The following CACNA1C variants were observed in gnomAD, a reference collection of about 807,000 sequenced individuals.
CACNA1C encodes the protein voltage-dependent L-type calcium channel subunit alpha-1C.
Under a neutral mutation model 229.0 loss-of-function variants are expected in CACNA1C, and 30 were observed. The observed-to-expected ratio is 0.13, with a 90% CI of 0.10 to 0.18. CACNA1C has a LOEUF of 0.18. CACNA1C is among the 10% of genes least tolerant of loss of function. The probability of loss-of-function intolerance (pLI) is 1.00; values close to 1 mark genes in which losing one functional copy is unlikely to be tolerated. For missense variants in CACNA1C, 1,658 were observed against 2,845.0 expected, an observed-to-expected ratio of 0.58 and a Z score of 9.49; for synonymous variants, 1,114 against 1,132.5, an observed-to-expected ratio of 0.98 and a Z score of 0.33.
chr12:2,374,507 G>A (rs1161309149), intron 3 of CACNA1C, among the ~76,000 whole-genome samples: 3 of 152,182 alleles, frequency 2.0e-5, no homozygotes, highest in Non-Finnish European at 2.9e-5. Context: ...CACAGCCCAC[G>A]CCACATTGGC....
chr12:2,080,504 G>A, intron 1 of CACNA1C, among the ~76,000 whole-genome samples: 1 of 151,862 alleles, frequency 6.6e-6, no homozygotes, highest in East Asian at 1.9e-4. Flanking sequence ...GGGAGGCTGA[G>A]GCAGGAGAAT....
At chr12:2,072,187 A>G (rs1012817476) in intron 1 of CACNA1C, among the ~76,000 whole-genome samples, 2 of 149,708 alleles carry the variant, frequency 1.3e-5, no homozygotes, top group African/African-American at 5.0e-5. Flanking sequence ...ATACAAATAT[A>G]TATATATACA....
chr12:2,230,197 C>G (rs982382178), intron 3 of CACNA1C, among the ~76,000 whole-genome samples: 3 of 152,112 alleles, frequency 2.0e-5, no homozygotes, highest in Non-Finnish European at 4.4e-5. Flanking sequence ...GGGCTGCTGC[C>G]GAGCTCCGCA....
rs2052920160 is a variant in CACNA1C at position 2,053,441 on chromosome 12, TC to T, written c.-120del. 2 of 1,465,734 alleles carry T rather than the reference TC, an allele frequency of 1.4e-6. No homozygotes were observed. The highest frequency in any genetic ancestry group is 1.8e-6 in the Non-Finnish European group (2 of 1,101,138). 90.8% of individuals were successfully genotyped at this position (1,465,734 alleles called of 1,614,324 possible). ...AGAAGAAACGCTGCAGACCACGGCTTCCTCGAATCTTGCGCGAAAGCCGCCG... is the reference window on the plus strand; with the variant it reads ...AGAAGAAACGCTGCAGACCACGGCTTCTCGAATCTTGCGCGAAAGCCGCCG... On this transcript the variant is annotated 5_prime_UTR_variant, in exon 1 of 47. Transcript: ENST00000399655. The surrounding 1 kb of genome is among the most constrained non-coding windows in gnomAD (Gnocchi z 5.8).
intron 1 of CACNA1C, among the ~76,000 whole-genome samples, chr12:2,102,952 T>C (rs1055533454): frequency 6.6e-6 from 1 of 152,244 alleles, no homozygotes; most frequent in African/African-American, 2.4e-5. Flanking sequence ...CCATGGCATA[T>C]ATGTGCCACA....
At chr12:2,682,945 C>T (rs1440752682) in intron 43 of CACNA1C, among the ~76,000 whole-genome samples, 3 of 22,618 alleles carry the variant, frequency 1.3e-4, no homozygotes, top group Non-Finnish European at 4.0e-4. Flanking sequence ...GGGGTTTCCT[C>T]GCCAGGAAAA....
intron 3 of CACNA1C, among the ~76,000 whole-genome samples, chr12:2,251,255 C>T (rs944757243): frequency 9.9e-5 from 15 of 152,252 alleles, no homozygotes; most frequent in African/African-American, 3.1e-4. Flanking sequence ...AGCTGAGTTG[C>T]TGCTGGACAG....
At chr12:2,470,352 G>T (rs1467381929) in intron 5 of CACNA1C, among the ~76,000 whole-genome samples, 1 of 152,118 alleles carries the variant, frequency 6.6e-6, no homozygotes, top group African/African-American at 2.4e-5. Context: ...AAAAATAATG[G>T]CAATAATAAA....
chr12:2,531,226 C>T lies in CACNA1C; in HGVS notation c.1390+18242C>T, dbSNP rs149400995. ...GTTTACCCAGGCTTACACCCAGGCA[C>T]GCCCCATCTGACTCGAAAGCCTTCC... On this transcript the variant is annotated intron_variant, in intron 9 of 46. Coordinates refer to ENST00000399655, the MANE Select transcript of CACNA1C (RefSeq NM_000719.7). Among the ~76,000 whole-genome samples the T allele has an allele frequency of 2.6e-5, 4 of 152,346 alleles. No homozygotes were observed. The East Asian group carries it at 5.8e-4, about 22-fold the overall frequency.
chr12:2,106,643 AC>A (rs2078830696), intron 1 of CACNA1C, among the ~76,000 whole-genome samples: 1 of 59,054 alleles, frequency 1.7e-5, no homozygotes, highest in Non-Finnish European at 3.7e-5. Context: ...CTGGGCGCCC[AC>A]CCCGGGGAGG....
chr12:2,373,887 T>TG (rs1257121885), intron 3 of CACNA1C, among the ~76,000 whole-genome samples: 2 of 152,240 alleles, frequency 1.3e-5, no homozygotes, highest in Non-Finnish European at 2.9e-5. Flanking sequence ...TCCTCTCTTG[T>TG]GCATGACGAA....
chr12:2,612,055 G>T (rs760664647), intron 29 of CACNA1C, 42 bp downstream of exon 29: 2 of 1,227,492 alleles, frequency 1.6e-6, no homozygotes, highest in Non-Finnish European at 2.4e-6. Context: ...GGCATCAGGG[G>T]TGGACAGAAC....
chr12:2,585,416 C>G lies in CACNA1C; in HGVS notation c.2380C>G (p.Pro794Ala). The change falls in exon 17 of 47, where the codon CCG becomes GCG. Residue 794 changes from proline (P) to alanine (A), a missense_variant. Coordinates refer to ENST00000399655, the MANE Select transcript of CACNA1C (RefSeq NM_000719.7). This position sits in a 1 kb window ranked among gnomAD's most constrained non-coding sequence, Gnocchi z 4.1. Reference sequence around the variant, plus strand: ...GAAGAAACAAGAGTTGGTGGAGAAGCCGGCAGTGGGGGAATCCAAGGAGGA... The same window carrying G: ...GAAGAAACAAGAGTTGGTGGAGAAGGCGGCAGTGGGGGAATCCAAGGAGGA... ...PEKKQELVEK[P>A]AVGESKEEKI... is the part of the protein sequence containing the mutation. 1 of 1,611,504 alleles carries G rather than the reference C, an allele frequency of 6.2e-7. No homozygotes were observed. The highest frequency in any genetic ancestry group is 8.5e-7 in the Non-Finnish European group (1 of 1,178,756).
chr12:2,606,973 T>C lies in CACNA1C; in HGVS notation c.3210-11T>C. ...AGATCCCAGAGTAAACTCCTTCTCC[T>C]CCTCTCTCAGGGGCAACTACATCAC... is the stretch of plus-strand genomic sequence containing the variant. On this transcript the variant is annotated splice_polypyrimidine_tract_variant and intron_variant, in intron 25 of 46. Transcript: ENST00000399655. 6.2e-7 allele frequency: 1 copy of C among 1,613,002 alleles called. No homozygotes were observed. The highest frequency in any genetic ancestry group is 1.7e-5 in the Admixed American group (1 of 59,986).
chr12:1,983,334 T>C (rs1226962147), intron 1 of CACNA1C, among the ~76,000 whole-genome samples: 2 of 149,670 alleles, frequency 1.3e-5, no homozygotes, highest in African/African-American at 5.1e-5. Flanking sequence ...ACGTTTGAAT[T>C]ACTGACTTAA....
intron 1 of CACNA1C, among the ~76,000 whole-genome samples, chr12:2,047,273 A>C (rs1242298820): frequency 6.6e-6 from 1 of 152,198 alleles, no homozygotes; most frequent in African/African-American, 2.4e-5. Context: ...ATACTCAACA[A>C]ATCTTTTTCA....
chr12:1,972,547 G>T (rs1367098405), intron 1 of CACNA1C, among the ~76,000 whole-genome samples: 1 of 152,164 alleles, frequency 6.6e-6, no homozygotes, highest in African/African-American at 2.4e-5. Context: ...GAAGCATGCA[G>T]TTCAAGAACC....
At chr12:2,125,081 T>G (rs1303251739) in intron 3 of CACNA1C, among the ~76,000 whole-genome samples, 1 of 151,388 alleles carries the variant, frequency 6.6e-6, no homozygotes, top group African/African-American at 2.4e-5. Flanking sequence ...TTGCAGAGGG[T>G]GGAGGAAGAG....
chr12:2,245,233 A>G (rs1207919872), intron 3 of CACNA1C, among the ~76,000 whole-genome samples: 2 of 152,196 alleles, frequency 1.3e-5, no homozygotes, highest in African/African-American at 4.8e-5. Flanking sequence ...GAAGACAGCA[A>G]AATGGAAGCA....
Sources: allele counts gnomAD v4.1 joint callset (sites outside exome capture counted in the v4.1 genomes callset), GRCh38; gene constraint gnomAD v4.1.1; non-coding constraint Gnocchi (gnomAD v3.1); transcripts MANE v1.5; gene names NCBI Gene and HGNC (gene_info 2026-07-23, HGNC 2026-07-21).